Variants in NRG1 observed in about 807,000 individuals in gnomAD.
NRG1 encodes the protein neuregulin 1, also known as pro-neuregulin-1, membrane-bound isoform.
Under a neutral mutation model 63.8 loss-of-function variants are expected in NRG1, and 18 were observed. That is an observed-to-expected ratio of 0.28 (90% confidence interval 0.19 to 0.42). NRG1 has a LOEUF of 0.42. NRG1 is among the 10% of genes least tolerant of loss of function. The pLI is 1.00. For synonymous variants in NRG1, 302 were observed against 301.3 expected (o/e 1.00, Z -0.02); for missense variants, 762 against 814.7 (o/e 0.94, Z 0.79).
At chr8:31,655,690 A>G (rs1405302697) in intron 1 of NRG1, among the ~76,000 whole-genome samples, 1 of 152,254 alleles carries the variant, frequency 6.6e-6, no homozygotes, top group African/African-American at 2.4e-5. Context: ...ACTGCTGGTT[A>G]TAAGGAGAAT....
At chr8:32,103,449 G>T (rs1398105606) in intron 1 of NRG1, among the ~76,000 whole-genome samples, 6 of 152,170 alleles carry the variant, frequency 3.9e-5, no homozygotes, top group Non-Finnish European at 8.8e-5. Flanking sequence ...GGATACTTAG[G>T]TTGCTTCCAA....
intron 1 of NRG1, among the ~76,000 whole-genome samples, chr8:32,194,585 G>T (rs1237254351): frequency 6.6e-6 from 1 of 152,098 alleles, no homozygotes; most frequent in Non-Finnish European, 1.5e-5. Context: ...GACACTGGGA[G>T]GACAAGAATG....
chr8:32,706,243 G>A (rs746581215), intron 5 of NRG1, among the ~76,000 whole-genome samples: 7 of 152,248 alleles, frequency 4.6e-5, no homozygotes, highest in South Asian at 2.1e-4. Context: ...GAAGCTTTAC[G>A]GAGGATTTTC....
At chr8:32,550,470 C>G (rs1833906074) in intron 1 of NRG1, among the ~76,000 whole-genome samples, 1 of 152,116 alleles carries the variant, frequency 6.6e-6, no homozygotes, top group African/African-American at 2.4e-5. Flanking sequence ...TCTCCTGTCT[C>G]CCTGCTCATT....
intron 1 of NRG1, among the ~76,000 whole-genome samples, chr8:32,556,858 G>A (rs1835268647): frequency 6.6e-6 from 1 of 152,150 alleles, no homozygotes; most frequent in South Asian, 2.1e-4. Flanking sequence ...CAATCCCACA[G>A]GGAATCTAAA....
intron 1 of NRG1, among the ~76,000 whole-genome samples, chr8:32,201,542 T>A (rs574992059): frequency 6.6e-6 from 1 of 152,312 alleles, no homozygotes; most frequent in Admixed American, 6.5e-5. Flanking sequence ...GATTTTACAA[T>A]CTTGAATTGA....
intron 2 of NRG1, among the ~76,000 whole-genome samples, chr8:32,596,599 C>CAA (rs5890663): frequency 0.039 from 5,440 of 138,954 alleles, 150 homozygotes; most frequent in African/African-American, 0.082. Context: ...GACTCCATCT[C>CAA]AAAAAAAAAA....
chr8:32,049,272 C>T (rs181575365), intron 1 of NRG1, among the ~76,000 whole-genome samples: 185 of 152,224 alleles, frequency 1.2e-3, no homozygotes, highest in Middle Eastern at 0.01. Flanking sequence ...TTTCCCTAAG[C>T]ATTAACATTC....
intron 1 of NRG1, among the ~76,000 whole-genome samples, chr8:32,272,684 T>C (rs1008582561): frequency 1.3e-5 from 2 of 152,172 alleles, no homozygotes; most frequent in South Asian, 4.1e-4. Context: ...ATGAGAGTTC[T>C]TCACATAAAT....
At chr8:32,531,684 G>C (rs1283673957) in intron 1 of NRG1, among the ~76,000 whole-genome samples, 2 of 152,114 alleles carry the variant, frequency 1.3e-5, no homozygotes, top group Non-Finnish European at 2.9e-5. Context: ...TGTTGTATGG[G>C]TGTCTTATGT....
intron 1 of NRG1, among the ~76,000 whole-genome samples, chr8:31,688,919 C>T (rs548372240): frequency 3.3e-5 from 5 of 152,322 alleles, no homozygotes; most frequent in African/African-American, 9.6e-5. Context: ...ATCAAGGTGT[C>T]AGGAGGGCTG....
At chr8:32,442,130 C>T (rs1819628524) in intron 1 of NRG1, among the ~76,000 whole-genome samples, 1 of 152,210 alleles carries the variant, frequency 6.6e-6, no homozygotes, top group Admixed American at 6.5e-5. Context: ...CTTTCTCCAT[C>T]ATTTCCATCT....
intron 1 of NRG1, among the ~76,000 whole-genome samples, chr8:31,756,378 G>A (rs987150009): frequency 6.6e-6 from 1 of 152,080 alleles, no homozygotes; most frequent in Non-Finnish European, 1.5e-5. Flanking sequence ...AAGGGGTACA[G>A]CTTGTTTTGT....
At chr8:32,051,811 T>A (rs972343183) in intron 1 of NRG1, among the ~76,000 whole-genome samples, 1 of 152,166 alleles carries the variant, frequency 6.6e-6, no homozygotes, top group Non-Finnish European at 1.5e-5. Flanking sequence ...CCAGCACACA[T>A]GAGCTGGTTT....
intron 1 of NRG1, among the ~76,000 whole-genome samples, chr8:32,508,802 C>A (rs1828842208): frequency 6.6e-6 from 1 of 151,926 alleles, no homozygotes; most frequent in African/African-American, 2.4e-5. Flanking sequence ...GTGGGGCAAT[C>A]TTGGGTCACT....
intron 1 of NRG1, among the ~76,000 whole-genome samples, chr8:32,158,450 T>TAGATATATATATATATATATATATAG: frequency 1.1e-5 from 1 of 93,996 alleles, no homozygotes; most frequent in Non-Finnish European, 2.0e-5. Flanking sequence ...GTTTACATGA[T>TAGATATATATATATATATATATATAG]ATATATATAT....
At chr8:31,769,789 G>A (rs1818434948) in intron 1 of NRG1, among the ~76,000 whole-genome samples, 1 of 152,146 alleles carries the variant, frequency 6.6e-6, no homozygotes, top group Admixed American at 6.6e-5. Flanking sequence ...AAGTTGTATG[G>A]ATCTTTAGAA....
chr8:32,021,085 C>T (rs919948970), intron 1 of NRG1, among the ~76,000 whole-genome samples: 30 of 152,164 alleles, frequency 2.0e-4, no homozygotes, highest in African/African-American at 6.8e-4. Flanking sequence ...GCCATTTAAA[C>T]AGCACTACAT....
chr8:31,846,701 C>T (rs1201546310), intron 1 of NRG1, among the ~76,000 whole-genome samples: 1 of 152,126 alleles, frequency 6.6e-6, no homozygotes, highest in Non-Finnish European at 1.5e-5. Flanking sequence ...GAAATTCACC[C>T]TCATCTTTCA....
Sources: gnomAD v4.1 joint callset for allele counts (sites outside exome capture counted in the v4.1 genomes callset) on GRCh38, gnomAD v4.1.1 for gene constraint, MANE v1.5 for transcripts, NCBI Gene and HGNC (gene_info 2026-07-23, HGNC 2026-07-21) for gene names.